SLC68A1: variants seen among roughly 807,000 people sequenced by gnomAD.
The protein encoded by SLC68A1 is major facilitator superfamily domain containing 13A.
chr10:102,475,992 G>A, the SLC68A1 span: 4 of 1,575,514 alleles, frequency 2.5e-6, no homozygotes, highest in Non-Finnish European at 3.5e-6. Flanking sequence ...TGAGAGCTGT[G>A]GCAAGGTCAC....
chr10:102,473,476 A>G, the SLC68A1 span: 14 of 1,249,338 alleles, frequency 1.1e-5, no homozygotes, highest in Non-Finnish European at 1.6e-5. Flanking sequence ...GTGCATCGCT[A>G]GTGTACAGGA....
the SLC68A1 span, chr10:102,475,936 G>A: frequency 6.2e-7 from 1 of 1,613,400 alleles, no homozygotes; most frequent in East Asian, 2.2e-5. Context: ...TCAAGGCCCA[G>A]CGCCAGAACC....
the SLC68A1 span, chr10:102,469,686 A>T: frequency 4.0e-5 from 8 of 197,762 alleles, no homozygotes; most frequent in Non-Finnish European, 5.4e-5. Context: ...AGATGGGATT[A>T]CAAGCACCCG....
the SLC68A1 span, among the ~76,000 whole-genome samples, chr10:102,464,998 C>T: frequency 1.3e-5 from 2 of 151,058 alleles, no homozygotes; most frequent in Non-Finnish European, 3.0e-5. Flanking sequence ...CTCATGGCTG[C>T]AATCCCAGTA....
At chr10:102,465,698 G>T in the SLC68A1 span, among the ~76,000 whole-genome samples, 3 of 152,142 alleles carry the variant, frequency 2.0e-5, no homozygotes, top group Non-Finnish European at 4.4e-5. Flanking sequence ...AAGGAGGCTG[G>T]TGTGGGCTCC....
chr10:102,471,330 C>T, the SLC68A1 span: 3 of 1,613,780 alleles, frequency 1.9e-6, no homozygotes, highest in Admixed American at 1.7e-5. Flanking sequence ...TCACCTTGGG[C>T]CGGTATCTCC....
the SLC68A1 span, chr10:102,471,874 C>G: frequency 1.5e-5 from 5 of 336,854 alleles, no homozygotes; most frequent in East Asian, 4.5e-4. Context: ...TTCTAGCTCC[C>G]TCTGAGCTTT....
chr10:102,470,780 G>A, the SLC68A1 span: 1 of 1,613,880 alleles, frequency 6.2e-7, no homozygotes. Flanking sequence ...CTGGGCCCCA[G>A]CTGGCCTGCA....
chr10:102,470,599 G>C, the SLC68A1 span: 3 of 1,561,254 alleles, frequency 1.9e-6, no homozygotes, highest in Non-Finnish European at 2.6e-6. Flanking sequence ...TGGGGCCTGG[G>C]CAAGGGGAAC....
the SLC68A1 span, chr10:102,473,743 T>C: frequency 3.7e-6 from 6 of 1,612,012 alleles, no homozygotes; most frequent in Non-Finnish European, 5.1e-6. Context: ...CATTGCCAGG[T>C]ATGCCCCTGC....
At chr10:102,473,532 G>T in the SLC68A1 span, 2 of 1,559,616 alleles carry the variant, frequency 1.3e-6, no homozygotes, top group South Asian at 2.4e-5. Context: ...CACTGCAGCA[G>T]TGCCCTTGAC....
chr10:102,470,903 T>C, the SLC68A1 span: 1 of 1,613,332 alleles, frequency 6.2e-7, no homozygotes. Flanking sequence ...CCACCTCAAC[T>C]TCTACTGCTC....
the SLC68A1 span, chr10:102,469,964 C>T: frequency 1.2e-6 from 2 of 1,610,236 alleles, no homozygotes; most frequent in African/African-American, 1.3e-5. Context: ...TGTCTAGAGC[C>T]CACCTTCCTG....
chr10:102,470,104 G>T, the SLC68A1 span: 18 of 1,602,620 alleles, frequency 1.1e-5, no homozygotes, highest in Non-Finnish European at 1.5e-5. Context: ...GCTCGTAATT[G>T]GTTCAGTCCC....
chr10:102,469,798 C>T, the SLC68A1 span: 352 of 974,738 alleles, frequency 3.6e-4, 2 homozygotes, highest in African/African-American at 4.3e-3. Context: ...CCACCTGCCT[C>T]GGCCTCCCAA....
the SLC68A1 span, among the ~76,000 whole-genome samples, chr10:102,466,788 C>T: frequency 6.6e-6 from 1 of 152,154 alleles, no homozygotes; most frequent in Non-Finnish European, 1.5e-5. Context: ...GGGGAGCCTT[C>T]ACTCCATTTT....
the SLC68A1 span, chr10:102,476,943 G>A: frequency 2.0e-6 from 2 of 985,610 alleles, no homozygotes; most frequent in Non-Finnish European, 2.4e-6. Context: ...TGTGCTTGAA[G>A]TGGCATGCCT....
At chr10:102,473,332 T>G in the SLC68A1 span, among the ~76,000 whole-genome samples, 1 of 152,124 alleles carries the variant, frequency 6.6e-6, no homozygotes, top group African/African-American at 2.4e-5. Context: ...GCTCATTTGG[T>G]GGGCAGCCTC....
the SLC68A1 span, chr10:102,462,195 A>AAG: frequency 1.3e-5 from 2 of 152,254 alleles, no homozygotes; most frequent in Non-Finnish European, 2.9e-5. Context: ...GCAGGAAGAC[A>AAG]AGACCCCGAG....
Sources: allele counts gnomAD v4.1 joint callset (sites outside exome capture counted in the v4.1 genomes callset), GRCh38; gene constraint gnomAD v4.1.1; transcripts MANE v1.5; gene names NCBI Gene and HGNC (gene_info 2026-07-23, HGNC 2026-07-21).